EVC: variants seen among roughly 807,000 people sequenced by gnomAD.
EVC encodes the protein evC complex member EVC.
In EVC, 116 loss-of-function variants were observed where a neutral mutation model predicts 118.9. That is an observed-to-expected ratio of 0.98 (90% CI 0.84 to 1.14). EVC has a LOEUF of 1.14. Ranked by LOEUF, EVC falls within the 50% of genes most tolerant of loss-of-function variation. The pLI, the probability that EVC is intolerant of heterozygous loss-of-function variation, is 0.00. For synonymous variants in EVC, 619 were observed against 534.7 expected (o/e 1.16, Z -2.18); for missense variants, 1,401 against 1,246.4 (o/e 1.12, Z -1.87).
rs2152083319 is a variant in EVC, at chr4:5,754,119, A to C, written c.1464+186A>C. 6.6e-6 allele frequency among the ~76,000 whole-genome samples: 1 copy of C among 152,256 alleles called. No homozygotes were observed. Among genetic ancestry groups the C allele is most frequent in the South Asian group, 2.1e-4 (1 of 4,820 alleles). ...ATCCCTAGGGTCCTAGTGGACTGTAAGCTGGTGATAAGAGTTGTGCTGCCC... is the reference window on the plus strand; with the variant it reads ...ATCCCTAGGGTCCTAGTGGACTGTACGCTGGTGATAAGAGTTGTGCTGCCC... On this transcript the variant is annotated intron_variant, in intron 10 of 20. Transcript: ENST00000264956. This position sits in a 1 kb window ranked among gnomAD's most constrained non-coding sequence, Gnocchi z 5.8.
At chr4:5,822,824 A>C in the EVC span, among the ~76,000 whole-genome samples, 27 of 152,192 alleles carry the variant, frequency 1.8e-4, no homozygotes, top group Admixed American at 1.5e-3. Flanking sequence ...ATCCTCAGCT[A>C]ACAGAAAAAC....
intron 11 of EVC, among the ~76,000 whole-genome samples, chr4:5,761,717 G>T (rs939167262): frequency 1.1e-4 from 17 of 151,834 alleles, no homozygotes; most frequent in African/African-American, 3.6e-4. Flanking sequence ...TTTTGAAAGG[G>T]CGGGTTTCTG....
In EVC at chr4:5,746,452, C is replaced by T. The variant is rs1729366281; in HGVS notation, c.939+1111C>T. Among the ~76,000 whole-genome samples the T allele has an allele frequency of 1.3e-5, 2 of 152,180 alleles. No individual in the cohort carries two copies. The highest frequency in any genetic ancestry group is 4.1e-4 in the South Asian group (2 of 4,822). On this transcript the variant is annotated intron_variant, in intron 7 of 20. Transcript: ENST00000264956. This position sits in a 1 kb window ranked among gnomAD's most constrained non-coding sequence, Gnocchi z 5.8. ...GAAATAAGCGCCCCAGAGCAAGATG[C>T]TCATGGGAGGGAGGGAGCCAATGCT... is the stretch of plus-strand genomic sequence containing the variant.
At chr4:5,818,565 C>T (rs918843704), downstream of EVC, among the ~76,000 whole-genome samples, 1 of 152,112 alleles carries the variant, frequency 6.6e-6, no homozygotes, top group Admixed American at 6.5e-5. Flanking sequence ...TTAATTCATT[C>T]ATAGATTAAT....
chr4:5,800,803 G>C (rs1278544076), intron 15 of EVC, among the ~76,000 whole-genome samples: 1 of 152,218 alleles, frequency 6.6e-6, no homozygotes, highest in Non-Finnish European at 1.5e-5. Context: ...GACCAGCTCA[G>C]ACCTGCACTG....
chr4:5,721,380 T>C (rs947278048), intron 2 of EVC, among the ~76,000 whole-genome samples: 9 of 152,198 alleles, frequency 5.9e-5, no homozygotes, highest in African/African-American at 1.9e-4. Context: ...CTAGAAAACA[T>C]GCTAAATGAA....
At chr4:5,767,778 C>G (rs939367614) in intron 11 of EVC, among the ~76,000 whole-genome samples, 1 of 152,164 alleles carries the variant, frequency 6.6e-6, no homozygotes. Context: ...GTGCGCTGCA[C>G]CCACTGACCT....
chr4:5,822,034 C>G, the EVC span, among the ~76,000 whole-genome samples: 1 of 139,102 alleles, frequency 7.2e-6, no homozygotes, highest in Non-Finnish European at 1.5e-5. Flanking sequence ...CTTCTGTGCC[C>G]CTCAGTCCCT....
intron 18 of EVC, among the ~76,000 whole-genome samples, chr4:5,809,204 A>C (rs2152390866): frequency 6.6e-6 from 1 of 152,324 alleles, no homozygotes; most frequent in South Asian, 2.1e-4. Context: ...GTCGGGCAGA[A>C]GTGAGTCCCA....
chr4:5,775,341 A>G (rs1053451677), intron 11 of EVC, among the ~76,000 whole-genome samples: 1 of 152,170 alleles, frequency 6.6e-6, no homozygotes, highest in East Asian at 1.9e-4. Context: ...AGCAAGAAAG[A>G]GAATGTAGCT....
chr4:5,723,290 G>A (rs1393059207), intron 2 of EVC, among the ~76,000 whole-genome samples: 1 of 151,428 alleles, frequency 6.6e-6, no homozygotes, highest in Non-Finnish European at 1.5e-5. Flanking sequence ...CCTGGATTCA[G>A]GTGATTCTCC....
At chr4:5,761,343 A>G (rs1377612869) in intron 11 of EVC, among the ~76,000 whole-genome samples, 1 of 152,076 alleles carries the variant, frequency 6.6e-6, no homozygotes, top group African/African-American at 2.4e-5. Context: ...CTCAACCACC[A>G]AAATGAATGA....
chr4:5,753,683 C>A, intron 9 of EVC, 102 bp from the exon 10 acceptor site: 2 of 1,505,240 alleles, frequency 1.3e-6, no homozygotes, highest in Non-Finnish European at 1.8e-6. Context: ...CTGCAGCCGA[C>A]ACCAGCTTCC....
rs1337305180 is a variant in EVC at position 5,734,094 on chromosome 4, C to T, written c.702+659C>T. On this transcript the variant is annotated intron_variant, in intron 5 of 20. Coordinates refer to ENST00000264956, the MANE Select transcript of EVC (RefSeq NM_153717.3). ...GGCCTCTGATTGAATCAGCCACGGA[C>T]CTGAGCTATGGGAAGCCAGAGAGAG... Among the ~76,000 whole-genome samples the T allele has an allele frequency of 1.3e-5, 2 of 152,138 alleles. 1 individual carries two copies. Among genetic ancestry groups the T allele is most frequent in the South Asian group, 4.1e-4 (2 of 4,822 alleles).
intron 9 of EVC, 29 bp from the exon 10 acceptor site, chr4:5,753,755 CT>C: frequency 6.2e-7 from 1 of 1,614,136 alleles, no homozygotes; most frequent in Non-Finnish European, 8.5e-7. Flanking sequence ...ACAGAGTCAC[CT>C]CCTATGCTGT....
Position 5,802,126 on chromosome 4 carries a change from A to G in EVC, c.2449+32A>G, listed in dbSNP as rs759296855. 3 of 1,613,964 alleles carry G rather than the reference A, an allele frequency of 1.9e-6. No homozygotes were observed. The East Asian group carries it at 6.7e-5, about 36-fold the overall frequency. On this transcript the variant is annotated intron_variant, in intron 16 of 20. Transcript: ENST00000264956. ...GACCCCCCCTCAGGGAAGCCCCAGA[A>G]GAGACTGGCAATGTGTGCTTTTAGT...
intron 4 of EVC, among the ~76,000 whole-genome samples, chr4:5,732,782 G>A (rs1157645407): frequency 6.6e-6 from 1 of 152,198 alleles, no homozygotes; most frequent in Non-Finnish European, 1.5e-5. Flanking sequence ...GGCCAAGGTG[G>A]GTGGATTGCT....
At chr4:5,803,231 G>C (rs1715323861) in intron 16 of EVC, among the ~76,000 whole-genome samples, 2 of 152,230 alleles carry the variant, frequency 1.3e-5, no homozygotes, top group South Asian at 4.1e-4. Flanking sequence ...TCTCTGATGG[G>C]CTTTGCCTGG....
At chr4:5,780,091 T>C (rs1388657645) in intron 11 of EVC, among the ~76,000 whole-genome samples, 1 of 152,234 alleles carries the variant, frequency 6.6e-6, no homozygotes, top group East Asian at 1.9e-4. Flanking sequence ...CTGCATCTAT[T>C]GAGATAATCA....
Sources: allele counts gnomAD v4.1 joint callset (sites outside exome capture counted in the v4.1 genomes callset), GRCh38; gene constraint gnomAD v4.1.1; non-coding constraint Gnocchi (gnomAD v3.1); transcripts MANE v1.5; gene names NCBI Gene and HGNC (gene_info 2026-07-23, HGNC 2026-07-21).